The following ITGAX variants were observed in gnomAD, a reference collection of about 807,000 sequenced individuals.
ITGAX encodes the protein integrin alpha-X.
A neutral mutation model predicts 140.2 loss-of-function variants in ITGAX; 99 were observed. The ratio of observed to expected loss-of-function variants is 0.71; its 90% confidence interval spans 0.60 to 0.83. The LOEUF (loss-of-function observed/expected upper bound fraction) is 0.83, where lower values mean the gene tolerates loss of function less well. Ranked by LOEUF, ITGAX falls within the 40% of genes least tolerant of loss-of-function variation. The pLI is 0.00. For synonymous variants in ITGAX, 631 were observed against 600.4 expected, an observed-to-expected ratio of 1.05 and a Z score of -0.75; for missense variants, 1,444 against 1,482.0, an observed-to-expected ratio of 0.97 and a Z score of 0.42.
At position 31,372,320 on chromosome 16, in the gene ITGAX, C is replaced by T. The variant is rs528532024; in HGVS notation, c.2161-58C>T. ...GGCAGGATAAGAACTGCGGATGAGG[C>T]CGAGCGCAGCTCTTACCCTCCCCTT... On this transcript the variant is annotated intron_variant, in intron 17 of 29. Transcript: ENST00000268296. The T allele has an allele frequency of 7.2e-5, 112 of 1,559,536 alleles. No individual in the cohort carries two copies. The African/African-American group carries it at 1.4e-3, about 19-fold the overall frequency.
At chr16:31,373,099 AAAAAGAAG>A in intron 19 of ITGAX, 142 bp from the exon 20 acceptor site, 1 of 705,972 alleles carries the variant, frequency 1.4e-6, no homozygotes, top group Non-Finnish European at 2.2e-6. Context: ...TCTCTTAAAA[AAAAAGAAG>A]AAGAAGAAGA....
chr16:31,361,477 T>G (rs1325040500), intron 9 of ITGAX: 2 of 667,228 alleles, frequency 3.0e-6, no homozygotes, highest in Non-Finnish European at 2.7e-6. Context: ...CAAAAAGCAG[T>G]GCCAGGCCCA....
At chr16:31,359,578 A>G in intron 5 of ITGAX, 122 bp from the exon 6 acceptor site, 1 of 1,165,664 alleles carries the variant, frequency 8.6e-7, no homozygotes, top group Non-Finnish European at 1.2e-6. Flanking sequence ...CCTGACTCCC[A>G]TCGCCAGACT....
chr16:31,362,889 TG>T (rs2080848447), intron 12 of ITGAX, 45 bp from the exon 13 acceptor site: 1 of 1,608,982 alleles, frequency 6.2e-7, no homozygotes, highest in Admixed American at 1.7e-5. Context: ...CCCACAGGGC[TG>T]CCTCTGGCAG....
In ITGAX at chr16:31,355,898, G is replaced by A; in HGVS notation, c.43G>A (p.Ala15Thr). The A allele has an allele frequency of 6.2e-7, 1 of 1,612,998 alleles. No homozygotes were observed. Among genetic ancestry groups the A allele is most frequent in the South Asian group, 1.1e-5 (1 of 91,008 alleles). The part of the protein sequence containing the change: ...RAALLLFTAL[A>T]TSLGFNLDTE... ...TCTTCCCACCTCTTTCCCAGCCTTA[G>A]CAACTTCTCTAGGTTTCAACTTGGA... The change falls in exon 2 of 30, where the codon GCA (alanine) becomes ACA (threonine). Residue 15 changes from alanine to threonine, a missense_variant. Physicochemically the swap from Ala to Thr is moderately conservative, Grantham distance 58. Coordinates refer to ENST00000268296, the MANE Select transcript of ITGAX (RefSeq NM_000887.5).
At chr16:31,360,536 T>G in intron 8 of ITGAX, 73 bp downstream of exon 8, 1 of 1,390,642 alleles carries the variant, frequency 7.2e-7, no homozygotes, top group Non-Finnish European at 9.8e-7. Context: ...GTGTATGTTC[T>G]TTTCTCTTTG....
chr16:31,375,038 G>A (rs2081007055), intron 20 of ITGAX, among the ~76,000 whole-genome samples: 6 of 150,734 alleles, frequency 4.0e-5, no homozygotes, highest in Admixed American at 3.3e-4. Flanking sequence ...CTTTCCTTGA[G>A]AGGGTCTTGC....
At chr16:31,375,595 T>C (rs2081012711) in intron 20 of ITGAX, among the ~76,000 whole-genome samples, 1 of 152,244 alleles carries the variant, frequency 6.6e-6, no homozygotes, top group Non-Finnish European at 1.5e-5. Flanking sequence ...ATGAAATAAG[T>C]GATTCCTTGG....
chr16:31,359,205 T>A (rs1597062757), intron 5 of ITGAX, among the ~76,000 whole-genome samples: 1 of 152,062 alleles, frequency 6.6e-6, no homozygotes, highest in African/African-American at 2.4e-5. Context: ...AGCCTCACTC[T>A]GTTGCCAGGT....
At chr16:31,369,759 T>C (rs2080936119) in intron 14 of ITGAX, among the ~76,000 whole-genome samples, 1 of 152,198 alleles carries the variant, frequency 6.6e-6, no homozygotes, top group Admixed American at 6.5e-5. Context: ...TTTATTTTGT[T>C]ATTATTCCTT....
intron 26 of ITGAX, 70 bp from the exon 27 acceptor site, chr16:31,380,196 A>G: frequency 6.4e-7 from 1 of 1,554,936 alleles, no homozygotes; most frequent in Non-Finnish European, 8.8e-7. Flanking sequence ...CCCTCAAGTC[A>G]CACCGCATAA....
At chr16:31,378,663 G>C (rs1324689826) in intron 23 of ITGAX, among the ~76,000 whole-genome samples, 2 of 151,848 alleles carry the variant, frequency 1.3e-5, no homozygotes, top group Admixed American at 6.6e-5. Flanking sequence ...GGAGAGATGG[G>C]GTCTTGCTAT....
chr16:31,360,350 G>A lies in ITGAX; in HGVS notation c.748G>A (p.Ala250Thr). ...FHASYGARRD[A>T]AKILIVITDG... ...TGCCTCATATGGGGCCCGTAGGGAT[G>A]CCGCCAAAATTCTCATTGTCATCAC... The change falls in exon 8 of 30, where the codon GCC becomes ACC. Residue 250 changes from alanine (A) to threonine (T), a missense_variant. Physicochemically the swap from Ala to Thr is moderately conservative, Grantham distance 58. Coordinates refer to ENST00000268296, the MANE Select transcript of ITGAX (RefSeq NM_000887.5). 6.2e-7 allele frequency: 1 copy of A among 1,614,028 alleles called. No individual in the cohort carries two copies. Among genetic ancestry groups the A allele is most frequent in the Non-Finnish European group, 8.5e-7 (1 of 1,179,912 alleles).
chr16:31,359,847 G>A lies in ITGAX; in HGVS notation c.561+17G>A, dbSNP rs45509092. On this transcript the variant is annotated intron_variant, in intron 6 of 29. Transcript: ENST00000268296. ...AGCACCCAGGTGTGCCTTTGGGGGA[G>A]GGAGGCTGCTGGGGGTGGGTGCTTC... 0.039 allele frequency: 62,796 copies of A among 1,614,068 alleles called. 1,457 individuals are homozygous for A. The highest frequency in any genetic ancestry group is 0.047 in the Non-Finnish European group (55,298 of 1,179,972).
Position 31,362,059 on chromosome 16 carries a change from A to T in ITGAX, c.1087-16A>T. 1 of 1,613,916 alleles carries T rather than the reference A, an allele frequency of 6.2e-7. No individual in the cohort carries two copies. On this transcript the variant is annotated splice_polypyrimidine_tract_variant and intron_variant, in intron 10 of 29. Coordinates refer to ENST00000268296, the MANE Select transcript of ITGAX (RefSeq NM_000887.5). ...TGCTCCGGCCTCTGCTCAGCCCTGGAATCCTTTTCTCCCAGGATGGCCCCG... is the reference window on the plus strand; with the variant it reads ...TGCTCCGGCCTCTGCTCAGCCCTGGTATCCTTTTCTCCCAGGATGGCCCCG...
chr16:31,380,645 A>G, intron 28 of ITGAX, 21 bp downstream of exon 28: 1 of 1,613,894 alleles, frequency 6.2e-7, no homozygotes, highest in Non-Finnish European at 8.5e-7. Flanking sequence ...TGTGGAGGGC[A>G]GCGACCAGGC....
chr16:31,372,156 C>T (rs1206486660), intron 17 of ITGAX, among the ~76,000 whole-genome samples: 8 of 130,334 alleles, frequency 6.1e-5, no homozygotes, highest in Non-Finnish European at 1.2e-4. Flanking sequence ...CATTGCTGAT[C>T]GGGAGGTCTG....
At chr16:31,370,964 G>A in intron 14 of ITGAX, 120 bp from the exon 15 acceptor site, 1 of 1,285,842 alleles carries the variant, frequency 7.8e-7, no homozygotes. Flanking sequence ...GGTGACATCT[G>A]TTCACAACTC....
At chr16:31,356,238 G>A (rs1235320865) in intron 2 of ITGAX, 4 of 494,434 alleles carry the variant, frequency 8.1e-6, no homozygotes, top group Non-Finnish European at 1.4e-5. Flanking sequence ...ACGACAGCCT[G>A]TGAGTAGGAA....
Sources: allele counts gnomAD v4.1 joint callset (sites outside exome capture counted in the v4.1 genomes callset), GRCh38; gene constraint gnomAD v4.1.1; transcripts MANE v1.5; gene names NCBI Gene and HGNC (gene_info 2026-07-23, HGNC 2026-07-21).